The following GRIN2B variants were observed in gnomAD, a reference collection of about 807,000 sequenced individuals.
The protein encoded by GRIN2B is glutamate ionotropic receptor NMDA type subunit 2B.
A neutral mutation model predicts 114.5 loss-of-function variants in GRIN2B; 5 were observed. The observed-to-expected ratio is 0.04, with a 90% CI of 0.02 to 0.09. GRIN2B has a LOEUF of 0.09. GRIN2B is among the 10% of genes least tolerant of loss of function. The pLI is 1.00. For synonymous variants in GRIN2B, 787 were observed against 745.1 expected, an observed-to-expected ratio of 1.06 and a Z score of -0.92; for missense variants, 1,108 against 1,943.5, an observed-to-expected ratio of 0.57 and a Z score of 8.08.
intron 2 of GRIN2B, among the ~76,000 whole-genome samples, chr12:13,958,690 T>C (rs1279692094): frequency 6.6e-6 from 1 of 152,124 alleles, no homozygotes; most frequent in African/African-American, 2.4e-5. Context: ...CCAGATTTGC[T>C]TCCTCCTCCT....
chr12:13,608,265 C>G (rs550038072), intron 10 of GRIN2B, among the ~76,000 whole-genome samples: 1 of 152,260 alleles, frequency 6.6e-6, no homozygotes, highest in African/African-American at 2.4e-5. Flanking sequence ...CGGCGGCGGT[C>G]CTCTAATAAC....
At chr12:13,756,034 T>A (rs563318697) in intron 3 of GRIN2B, among the ~76,000 whole-genome samples, 4 of 151,898 alleles carry the variant, frequency 2.6e-5, no homozygotes, top group African/African-American at 4.8e-5. Flanking sequence ...TTCTTTTTTA[T>A]CCCCCCAGAG....
Position 13,753,245 on chromosome 12 carries a change from G to A in GRIN2B, c.1010+72C>T, listed in dbSNP as rs1863516276. ...TTGAACTGTTCTTCCTGCAGTTTCT[G>A]AACTTCCAACCCCAGTCTTTGAAGC... On this transcript the variant is annotated intron_variant, in intron 4 of 13. Transcript: ENST00000609686. This position sits in a 1 kb window ranked among gnomAD's most constrained non-coding sequence, Gnocchi z 6.2. 3.2e-6 allele frequency: 3 copies of A among 939,358 alleles called. No homozygotes were observed. The highest frequency in any genetic ancestry group is 5.3e-6 in the Non-Finnish European group (3 of 565,848). The allele number at this position is 939,358 out of a possible 1,614,324, so 58.2% of individuals were successfully genotyped here.
At chr12:13,632,355 G>T (rs1053242430) in intron 5 of GRIN2B, among the ~76,000 whole-genome samples, 2 of 152,214 alleles carry the variant, frequency 1.3e-5, no homozygotes, top group Non-Finnish European at 2.9e-5. Flanking sequence ...CAATCTGCAG[G>T]AATCACCACA....
In GRIN2B at chr12:13,914,720, A is replaced by G. The variant is rs7967372; in HGVS notation, c.-18-48494T>C. 6.8e-3 allele frequency among the ~76,000 whole-genome samples: 1,035 copies of G among 152,348 alleles called. 19 individuals are homozygous for G. The highest frequency in any genetic ancestry group is 0.023 in the African/African-American group (974 of 41,586). On this transcript the variant is annotated intron_variant, in intron 2 of 13. Transcript: ENST00000609686. ...ATAAAGGAAATGTGGTATAATGTATACAATGGAATACTATTCAATCATAAA... is the reference window on the plus strand; with the variant it reads ...ATAAAGGAAATGTGGTATAATGTATGCAATGGAATACTATTCAATCATAAA...
intron 2 of GRIN2B, among the ~76,000 whole-genome samples, chr12:13,953,245 G>A (rs1867525206): frequency 6.6e-6 from 1 of 152,002 alleles, no homozygotes; most frequent in South Asian, 2.1e-4. Context: ...GGCCTTTTCT[G>A]ACCTGGCCTC....
intron 2 of GRIN2B, among the ~76,000 whole-genome samples, chr12:13,895,046 G>A (rs1475570533): frequency 2.0e-5 from 3 of 152,148 alleles, no homozygotes; most frequent in Non-Finnish European, 4.4e-5. Flanking sequence ...AAAGGCATAT[G>A]TACTTTGTGT....
At chr12:13,779,385 G>T (rs1395314279) in intron 3 of GRIN2B, among the ~76,000 whole-genome samples, 1 of 152,032 alleles carries the variant, frequency 6.6e-6, no homozygotes, top group East Asian at 1.9e-4. Flanking sequence ...GTTTTGTTTT[G>T]TTTTTGGTAT....
At chr12:13,593,109 C>T (rs984264909) in intron 10 of GRIN2B, among the ~76,000 whole-genome samples, 32 of 152,126 alleles carry the variant, frequency 2.1e-4, no homozygotes, top group Non-Finnish European at 3.7e-4. Context: ...ATCATCAGAA[C>T]GGCCATTCTG....
At chr12:13,756,322 G>C (rs1863575956) in intron 3 of GRIN2B, among the ~76,000 whole-genome samples, 1 of 152,134 alleles carries the variant, frequency 6.6e-6, no homozygotes, top group South Asian at 2.1e-4. Context: ...CCAAATTTCT[G>C]TTCTTTATAA....
chr12:13,537,368 T>A lies in GRIN2B; in HGVS notation c.*25415A>T, dbSNP rs1237862873. 1 of 152,186 alleles carries A rather than the reference T, an allele frequency of 6.6e-6. No homozygotes were observed. The highest frequency in any genetic ancestry group is 1.5e-5 in the Non-Finnish European group (1 of 68,040). 9.4% of individuals were successfully genotyped at this position (152,186 alleles called of 1,614,324 possible). ...CCAAGTTTAAATTTTATGTGTAGAA[T>A]TTCCTTTACATAGAGGAGCTTTGCA... On this transcript the variant is annotated 3_prime_UTR_variant, in exon 14 of 14. Transcript: ENST00000609686.
rs1948437998 is a variant in GRIN2B, at chr12:13,553,238, C to T, written c.*9545G>A. The T allele has an allele frequency of 6.6e-6, 1 of 152,152 alleles. No individual in the cohort carries two copies. The highest frequency in any genetic ancestry group is 2.4e-5 in the African/African-American group (1 of 41,426). The allele number at this position is 152,152 out of a possible 1,614,324, so 9.4% of individuals were successfully genotyped here. On this transcript the variant is annotated 3_prime_UTR_variant, in exon 14 of 14. Transcript: ENST00000609686. ...AACAGGGCTTCAAGAATACAGGGACCAGAGGATAAGGGAGGGCCATAAGGT... is the reference window on the plus strand; with the variant it reads ...AACAGGGCTTCAAGAATACAGGGACTAGAGGATAAGGGAGGGCCATAAGGT...
chr12:13,563,320 G>A lies in GRIN2B; in HGVS notation c.3918C>T (p.Thr1306=). Residue 1306 remains threonine, a synonymous_variant, in exon 14 of 14, where the codon ACC becomes ACT. Coordinates refer to ENST00000609686, the MANE Select transcript of GRIN2B (RefSeq NM_000834.5). ...CTTCTTCCTTCTGCAGGTCCACGAA[G>A]GTGTCGTAGGAGTGCTGCCGGCGCA... ...NKLRRQHSYD[T]FVDLQKEEAA... The A allele has an allele frequency of 1.2e-6, 2 of 1,614,220 alleles. No homozygotes were observed. Among genetic ancestry groups the A allele is most frequent in the Non-Finnish European group, 1.7e-6 (2 of 1,180,034 alleles).
At chr12:13,739,877 C>A (rs1863251336) in intron 4 of GRIN2B, among the ~76,000 whole-genome samples, 1 of 152,154 alleles carries the variant, frequency 6.6e-6, no homozygotes, top group South Asian at 2.1e-4. Context: ...CTGAGTAGCA[C>A]CGGGCGTCAT....
chr12:13,676,321 C>T (rs1322002238), intron 4 of GRIN2B, among the ~76,000 whole-genome samples: 1 of 152,052 alleles, frequency 6.6e-6, no homozygotes, highest in Non-Finnish European at 1.5e-5. Flanking sequence ...ACCTGCACAT[C>T]CTGCACATGT....
At chr12:13,915,383 C>T (rs1424819878) in intron 2 of GRIN2B, among the ~76,000 whole-genome samples, 1 of 152,182 alleles carries the variant, frequency 6.6e-6, no homozygotes, top group Non-Finnish European at 1.5e-5. Context: ...ATGGGCATCA[C>T]CCAACCCCTG....
At position 13,556,403 on chromosome 12, in the gene GRIN2B, C is replaced by A. The variant is rs1409139331; in HGVS notation, c.*6380G>T. On this transcript the variant is annotated 3_prime_UTR_variant, in exon 14 of 14. Transcript: ENST00000609686. Reference sequence around the variant, plus strand: ...AGTACAATATACTCCATTTTGAAACCTTTTATATCATTCACAGAACTAGCC... The same window carrying A: ...AGTACAATATACTCCATTTTGAAACATTTTATATCATTCACAGAACTAGCC... 2 of 152,016 alleles carry A rather than the reference C, an allele frequency of 1.3e-5. No individual in the cohort carries two copies. The highest frequency in any genetic ancestry group is 4.8e-5 in the African/African-American group (2 of 41,378). The allele number at this position is 152,016 out of a possible 1,614,324, so 9.4% of individuals were successfully genotyped here.
chr12:13,572,006 G>A, intron 10 of GRIN2B, 42 bp from the exon 11 acceptor site: 1 of 1,478,530 alleles, frequency 6.8e-7, no homozygotes, highest in Non-Finnish European at 9.4e-7. Context: ...GGGAGATGGA[G>A]GGAGAGAGAG....
chr12:13,623,647 T>C (rs1257910534), intron 5 of GRIN2B, among the ~76,000 whole-genome samples: 1 of 152,204 alleles, frequency 6.6e-6, no homozygotes, highest in Admixed American at 6.5e-5. Context: ...GTCTTTCTTA[T>C]CCATTCATAG....
Sources: gnomAD v4.1 joint callset for allele counts (sites outside exome capture counted in the v4.1 genomes callset) on GRCh38, gnomAD v4.1.1 for gene constraint, Gnocchi (gnomAD v3.1) non-coding constraint, MANE v1.5 for transcripts, NCBI Gene and HGNC (gene_info 2026-07-23, HGNC 2026-07-21) for gene names.